AMD1: variants seen among roughly 807,000 people sequenced by gnomAD.
The protein encoded by AMD1 is adenosylmethionine decarboxylase 1.
AMD1 carries 11 observed loss-of-function variants against 40.2 expected under a neutral mutation model. The observed-to-expected ratio is 0.27, with a 90% CI of 0.17 to 0.45. AMD1 has a LOEUF of 0.45. Ranked by LOEUF, AMD1 falls within the 20% of genes least tolerant of loss-of-function variation. The pLI is 1.00. For missense variants in AMD1, 257 were observed against 410.2 expected (o/e 0.63, Z 3.23); for synonymous variants, 121 against 130.8 (o/e 0.93, Z 0.51).
the AMD1 span, among the ~76,000 whole-genome samples, chr6:110,860,148 C>T: frequency 1.3e-5 from 2 of 151,928 alleles, no homozygotes; most frequent in South Asian, 2.1e-4. Context: ...TTTAAGGAGC[C>T]TCCAGCCCTC....
chr6:110,840,287 C>T, the AMD1 span, among the ~76,000 whole-genome samples: 1 of 152,058 alleles, frequency 6.6e-6, no homozygotes, highest in African/African-American at 2.4e-5. Context: ...TCAATTCCGA[C>T]ACTGTCTACC....
chr6:110,882,843 A>G (rs867374), intron 1 of AMD1, among the ~76,000 whole-genome samples: 107,086 of 152,160 alleles, frequency 0.7, 38,365 homozygotes, highest in Admixed American at 0.82. Context: ...TTTGAAGCCA[A>G]TGGGTTGGCA....
In AMD1 at chr6:110,892,826, A is replaced by G. The variant is rs1786106215; in HGVS notation, c.707A>G (p.Asp236Gly). 1 of 1,614,106 alleles carries G rather than the reference A, an allele frequency of 6.2e-7. No homozygotes were observed. Residue 236 changes from aspartate (D) to glycine (G), a missense_variant and splice_region_variant, in exon 7 of 9, where the codon GAT becomes GGT. Physicochemically the swap from Asp to Gly is moderately conservative, Grantham distance 94 (BLOSUM62 -1). This residue lies in a region of AMD1 where 192 missense variants were observed against 296.5 expected (regional missense o/e 0.65). Coordinates refer to ENST00000368885, the MANE Select transcript of AMD1 (RefSeq NM_001634.6). ...TATTCGATGAATGGAATGAAATCGG[A>G]TGTGAGTAGTTATATATTGCTTCAA... ...CGYSMNGMKS[D>G]GTYWTIHITP...
At chr6:110,881,606 A>G (rs897895170) in intron 1 of AMD1, among the ~76,000 whole-genome samples, 2 of 152,078 alleles carry the variant, frequency 1.3e-5, no homozygotes, top group Admixed American at 6.5e-5. Flanking sequence ...GCTTGAGGTC[A>G]GGAGTTCGAG....
At chr6:110,854,591 G>A in the AMD1 span, among the ~76,000 whole-genome samples, 1 of 152,044 alleles carries the variant, frequency 6.6e-6, no homozygotes, top group African/African-American at 2.4e-5. Flanking sequence ...TGGGATTATA[G>A]GCACCTGCCA....
the AMD1 span, among the ~76,000 whole-genome samples, chr6:110,860,407 A>G: frequency 6.6e-6 from 1 of 152,196 alleles, no homozygotes; most frequent in Non-Finnish European, 1.5e-5. Context: ...TTTCTCAAAT[A>G]AGAAGAGTGC....
the AMD1 span, among the ~76,000 whole-genome samples, chr6:110,868,142 T>TTTA: frequency 1.5e-4 from 22 of 151,064 alleles, no homozygotes; most frequent in East Asian, 2.0e-4. Context: ...TCTTATTTAT[T>TTTA]TTATTATTAT....
At chr6:110,864,420 TTGA>T in the AMD1 span, 1 of 154,760 alleles carries the variant, frequency 6.5e-6, no homozygotes, top group Non-Finnish European at 1.5e-5. Context: ...CCAGTTAATG[TTGA>T]TGAAGCTACA....
the AMD1 span, among the ~76,000 whole-genome samples, chr6:110,866,506 G>A: frequency 3.3e-5 from 5 of 152,258 alleles, no homozygotes; most frequent in South Asian, 8.3e-4. Context: ...TACAGACCAC[G>A]CTAGCAAAAC....
intron 4 of AMD1, chr6:110,891,274 G>C (rs969949815): frequency 6.6e-6 from 1 of 152,166 alleles, no homozygotes; most frequent in Non-Finnish European, 1.5e-5. Flanking sequence ...TTGAACTCCT[G>C]CCCTCTAGCA....
the AMD1 span, among the ~76,000 whole-genome samples, chr6:110,834,189 C>G: frequency 5.9e-5 from 9 of 151,810 alleles, no homozygotes; most frequent in Non-Finnish European, 1.3e-4. Flanking sequence ...TCAGAAATAA[C>G]AAGGCCATAC....
chr6:110,886,428 C>T (rs1374790120), intron 1 of AMD1, among the ~76,000 whole-genome samples: 1 of 152,044 alleles, frequency 6.6e-6, no homozygotes, highest in Non-Finnish European at 1.5e-5. Context: ...GCCTCAGCCT[C>T]CTGAGTAGCT....
At chr6:110,847,868 T>C in the AMD1 span, among the ~76,000 whole-genome samples, 2 of 151,474 alleles carry the variant, frequency 1.3e-5, no homozygotes, top group African/African-American at 4.8e-5. Context: ...CACACCACCA[T>C]GCCCAGCTAA....
intron 2 of AMD1, chr6:110,888,612 T>TC: frequency 6.4e-6 from 1 of 156,306 alleles, no homozygotes; most frequent in Non-Finnish European, 1.4e-5. Flanking sequence ...GGCCTCTCTC[T>TC]TTTTTTTTTT....
chr6:110,826,794 C>T, the AMD1 span, among the ~76,000 whole-genome samples: 26 of 151,308 alleles, frequency 1.7e-4, no homozygotes, highest in Non-Finnish European at 2.5e-4. Flanking sequence ...CAGGTTCAAG[C>T]AATTCTCCTG....
At position 110,894,551 on chromosome 6, in the gene AMD1, C is replaced by CT. The variant is rs1429923800; in HGVS notation, c.*936dup. ...GTTCCTCAGTAAATGAGATTAGCGT[C>CT]TAATGAGTAGCACCCCTTTACTAAC... is the stretch of plus-strand genomic sequence containing the variant. On this transcript the variant is annotated 3_prime_UTR_variant, in exon 9 of 9. Coordinates refer to ENST00000368885, the MANE Select transcript of AMD1 (RefSeq NM_001634.6). 1.3e-5 allele frequency: 2 copies of CT among 152,214 alleles called. No individual in the cohort carries two copies. The allele number at this position is 152,214 out of a possible 1,614,324, so 9.4% of individuals were successfully genotyped here. A position where few individuals can be genotyped will look rare whatever the true frequency, so the allele number is the denominator to read the frequency against.
the AMD1 span, among the ~76,000 whole-genome samples, chr6:110,869,601 C>A: frequency 1.3e-5 from 2 of 151,478 alleles, no homozygotes; most frequent in Admixed American, 1.3e-4. Flanking sequence ...CCTCCGCCTA[C>A]CAGATTCAAG....
At chr6:110,883,654 C>T (rs779910698) in intron 1 of AMD1, among the ~76,000 whole-genome samples, 2 of 152,136 alleles carry the variant, frequency 1.3e-5, no homozygotes, top group Admixed American at 6.5e-5. Flanking sequence ...TGCAGTGACA[C>T]GATCTCGGCT....
At chr6:110,875,446 G>T in intron 1 of AMD1, 2 of 474,826 alleles carry the variant, frequency 4.2e-6, no homozygotes, top group South Asian at 3.0e-5. Context: ...CATTGCCCTG[G>T]GGGAGGGGAG....
Sources: allele counts gnomAD v4.1 joint callset (sites outside exome capture counted in the v4.1 genomes callset), GRCh38; gene constraint gnomAD v4.1.1; regional missense constraint gnomAD v4.1.1; transcripts MANE v1.5; gene names NCBI Gene and HGNC (gene_info 2026-07-23, HGNC 2026-07-21).